The following AFF2 variants were observed in gnomAD, a reference collection of about 807,000 sequenced individuals.
AFF2 encodes the protein ALF transcription elongation factor 2, also known as AF4/FMR2 family member 2.
A neutral mutation model predicts 76.9 loss-of-function variants in AFF2; 14 were observed. The ratio of observed to expected loss-of-function variants is 0.18; its 90% CI spans 0.12 to 0.28. The LOEUF is 0.28. AFF2 is among the 10% of genes least tolerant of loss of function. AFF2 has a pLI of 1.00. For synonymous variants in AFF2, 398 were observed against 366.7 expected (o/e 1.09, Z -0.98); for missense variants, 868 against 1,001.1 (o/e 0.87, Z 1.79).
rs782074821 is a variant in AFF2, at chrX:148,662,483, C to G, written c.756C>G (p.Pro252=). 9 of 1,210,382 alleles carry G rather than the reference C, an allele frequency of 7.4e-6. No individual in the cohort carries two copies. Among genetic ancestry groups the G allele is most frequent in the African/African-American group, 1.7e-5 (1 of 57,224 alleles). ...TCGCCGTGCAAGCGCCTGGGTCTCC[C>G]CTAGTGGCTTCCTCTTTATTAGCTC... ...SEFAVQAPGS[P]LVASSLLAPS... The change falls in exon 3 of 21, where the codon CCC becomes CCG. Residue 252 remains proline, a synonymous_variant. Coordinates refer to ENST00000370460, the MANE Select transcript of AFF2 (RefSeq NM_002025.4).
intron 3 of AFF2, among the ~76,000 whole-genome samples, chrX:148,755,272 A>G (rs1327164625): frequency 8.9e-6 from 1 of 112,259 alleles, no homozygotes; most frequent in African/African-American, 3.2e-5. Context: ...AGACAGTTCA[A>G]TGCTTTGTCT....
chrX:148,547,521 G>A (rs1480545335), intron 1 of AFF2: 3 of 112,200 alleles, frequency 2.7e-5, no homozygotes, highest in Non-Finnish European at 5.6e-5. Flanking sequence ...GTACCAAAAT[G>A]TAAGGGCATA....
At chrX:148,780,507 T>C (rs1216887037) in intron 3 of AFF2, among the ~76,000 whole-genome samples, 7 of 112,198 alleles carry the variant, frequency 6.2e-5, no homozygotes, top group African/African-American at 2.3e-4. Context: ...TGATCTTCAG[T>C]CTCTGATATC....
At chrX:148,861,016 A>G (rs2070842067) in intron 7 of AFF2, among the ~76,000 whole-genome samples, 1 of 111,550 alleles carries the variant, frequency 9.0e-6, no homozygotes, top group African/African-American at 3.3e-5. Flanking sequence ...ATAATGTCTG[A>G]GAACAAATTG....
At chrX:148,727,599 T>C (rs782501381) in intron 3 of AFF2, among the ~76,000 whole-genome samples, 1 of 107,884 alleles carries the variant, frequency 9.3e-6, no homozygotes, top group Admixed American at 9.7e-5. Flanking sequence ...GCATTCTCAT[T>C]GCCACTTTAA....
intron 3 of AFF2, among the ~76,000 whole-genome samples, chrX:148,700,316 G>T (rs182288698): frequency 2.7e-5 from 3 of 110,803 alleles, no homozygotes; most frequent in East Asian, 2.8e-4. Context: ...GCAGGCTCTC[G>T]TTCTACTTAG....
chrX:148,543,398 G>T (rs1036075563), intron 1 of AFF2, among the ~76,000 whole-genome samples: 1 of 111,419 alleles, frequency 9.0e-6, no homozygotes, highest in African/African-American at 3.3e-5. Context: ...GCCAGTAACT[G>T]AATGTGCCTG....
chrX:148,946,971 G>T (rs1270999758), intron 9 of AFF2, among the ~76,000 whole-genome samples: 4 of 112,127 alleles, frequency 3.6e-5, no homozygotes, highest in Non-Finnish European at 5.6e-5. Flanking sequence ...TATGGATCAG[G>T]TTATGGACAT....
intron 3 of AFF2, among the ~76,000 whole-genome samples, chrX:148,798,128 G>A (rs1332838504): frequency 1.8e-5 from 2 of 111,748 alleles, no homozygotes; most frequent in African/African-American, 3.3e-5. Flanking sequence ...CATGGTAGAA[G>A]GCATCACATG....
rs1557293534 is a variant in AFF2, at chrX:148,997,678, GTAACATCCGGGTC to G, written c.*6348_*6360del. On this transcript the variant is annotated 3_prime_UTR_variant, in exon 21 of 21. Transcript: ENST00000370460. ...CAATATTTGTCCTTACTGGAAAATG[GTAACATCCGGGTC>G]TGATTTAATTGGCATTACACTTACA... The G allele has an allele frequency of 9.0e-6, 1 of 111,052 alleles. No homozygotes were observed. The highest frequency in any genetic ancestry group is 2.8e-4 in the East Asian group (1 of 3,565). The allele number at this position is 111,052 out of a possible 1,213,427, so 9.2% of individuals were successfully genotyped here.
intron 3 of AFF2, among the ~76,000 whole-genome samples, chrX:148,737,491 T>C (rs139832884): frequency 1.3e-3 from 143 of 112,081 alleles, no homozygotes; most frequent in Admixed American, 2.6e-3. Context: ...TGTTGAATTC[T>C]TTTATCAGTT....
intron 8 of AFF2, among the ~76,000 whole-genome samples, chrX:148,903,208 C>A (rs1175713424): frequency 1.8e-5 from 2 of 111,256 alleles, no homozygotes; most frequent in Non-Finnish European, 3.8e-5. Flanking sequence ...TCAAACATAA[C>A]GTCTATAGCC....
intron 1 of AFF2, among the ~76,000 whole-genome samples, chrX:148,604,254 T>C (rs1235719344): frequency 1.8e-5 from 2 of 112,683 alleles, no homozygotes; most frequent in African/African-American, 6.4e-5. Flanking sequence ...TTAGGTTTCA[T>C]TGAAAACATG....
At chrX:148,608,447 T>C (rs782567050) in intron 1 of AFF2, among the ~76,000 whole-genome samples, 205 of 111,287 alleles carry the variant, frequency 1.8e-3, no homozygotes, top group South Asian at 3.7e-3. Context: ...GTGTAGTTGC[T>C]TGGCTCTGGA....
chrX:148,609,666 T>C (rs2053707401), intron 1 of AFF2, among the ~76,000 whole-genome samples: 1 of 111,721 alleles, frequency 9.0e-6, no homozygotes, highest in Admixed American at 9.5e-5. Flanking sequence ...TCCTTCTTAC[T>C]CCACACACCC....
Position 148,989,943 on chromosome X carries a change from G to A in AFF2, c.3815-1268G>A, listed in dbSNP as rs544830387. ...ATTAAAATGGTGTCTAATTAAGAAT[G>A]CCACAGAGAGCTTTGTACAGAATAC... On this transcript the variant is annotated intron_variant, in intron 20 of 20. Coordinates refer to ENST00000370460, the MANE Select transcript of AFF2 (RefSeq NM_002025.4). Among the ~76,000 whole-genome samples the A allele has an allele frequency of 1.3e-4, 15 of 112,094 alleles. No individual in the cohort carries two copies. The South Asian group carries it at 4.9e-3, about 36-fold the overall frequency.
In AFF2 at chrX:148,804,129, A is replaced by G. The variant is rs897271839; in HGVS notation, c.1042-5747A>G. Among the ~76,000 whole-genome samples, 12 of 111,938 alleles carry G rather than the reference A, an allele frequency of 1.1e-4. 1 individual carries two copies. The highest frequency in any genetic ancestry group is 3.9e-4 in the African/African-American group (12 of 30,755). ...TACAAAGTGCTGATGGAGACTTAAC[A>G]TGCACCCCCTACTAGGCTAAGGTAC... On this transcript the variant is annotated intron_variant, in intron 3 of 20. Coordinates refer to ENST00000370460, the MANE Select transcript of AFF2 (RefSeq NM_002025.4).
At chrX:148,839,768 G>T (rs1318507561) in intron 5 of AFF2, among the ~76,000 whole-genome samples, 1 of 111,125 alleles carries the variant, frequency 9.0e-6, no homozygotes, top group Non-Finnish European at 1.9e-5. Context: ...AGCTTGCCCA[G>T]AGGAAAGAGT....
chrX:148,851,025 G>A (rs2070726069), intron 7 of AFF2, among the ~76,000 whole-genome samples: 2 of 112,389 alleles, frequency 1.8e-5, no homozygotes, highest in Non-Finnish European at 3.8e-5. Flanking sequence ...AAATCCAACT[G>A]AGACTGGAGT....
Sources: allele counts gnomAD v4.1 joint callset (sites outside exome capture counted in the v4.1 genomes callset), GRCh38; gene constraint gnomAD v4.1.1; transcripts MANE v1.5; gene names NCBI Gene and HGNC (gene_info 2026-07-23, HGNC 2026-07-21).